Variants in WDFY3 observed in about 807,000 individuals in gnomAD.
WDFY3 encodes WD repeat and FYVE domain containing 3, also known as WD repeat and FYVE domain-containing protein 3.
WDFY3 carries 66 observed loss-of-function variants against 409.6 expected under a neutral mutation model. That is an observed-to-expected ratio of 0.16 (90% CI 0.13 to 0.20). WDFY3 has a LOEUF of 0.20. Ranked by LOEUF, WDFY3 falls within the 10% of genes least tolerant of loss-of-function variation. WDFY3 has a pLI of 1.00. For missense variants in WDFY3, 3,031 were observed against 4,298.1 expected (o/e 0.71, Z 8.24); for synonymous variants, 1,521 against 1,537.1 (o/e 0.99, Z 0.25).
chr4:84,756,997 C>G lies in WDFY3; in HGVS notation c.5353G>C (p.Val1785Leu), dbSNP rs1741582118. The change falls in exon 33 of 68, where the codon GTT becomes CTT. Residue 1785 changes from valine (V) to leucine (L), a missense_variant. Coordinates refer to ENST00000295888, the MANE Select transcript of WDFY3 (RefSeq NM_014991.6). ...LLMALFLQQP[V>L]SELPENLQVS... ...TGCAGGTTCTCAGGCAGCTCACTAA[C>G]TGGCTGCTGCAGAAACAAGGCCATG... 1.2e-6 allele frequency: 2 copies of G among 1,614,086 alleles called. No homozygotes were observed. The highest frequency in any genetic ancestry group is 1.7e-6 in the Non-Finnish European group (2 of 1,179,974).
intron 2 of WDFY3, among the ~76,000 whole-genome samples, chr4:84,904,067 T>G (rs927335574): frequency 1.3e-5 from 2 of 152,152 alleles, no homozygotes; most frequent in Non-Finnish European, 2.9e-5. Context: ...TCTCATAAAC[T>G]GATTAGTGTC....
At chr4:84,771,958 G>C (rs926544509) in intron 30 of WDFY3, among the ~76,000 whole-genome samples, 1 of 152,108 alleles carries the variant, frequency 6.6e-6, no homozygotes, top group African/African-American at 2.4e-5. Context: ...TTTGAAAATT[G>C]TAATCACACC....
intron 5 of WDFY3, among the ~76,000 whole-genome samples, chr4:84,842,723 G>A (rs1035526532): frequency 6.6e-6 from 1 of 152,182 alleles, no homozygotes; most frequent in Non-Finnish European, 1.5e-5. Context: ...GGAGGGTGCA[G>A]TGAGCGGAGA....
intron 60 of WDFY3, among the ~76,000 whole-genome samples, chr4:84,691,300 T>C (rs1364854815): frequency 6.6e-6 from 1 of 152,098 alleles, no homozygotes; most frequent in Non-Finnish European, 1.5e-5. Flanking sequence ...AAAAGGAGGC[T>C]ATTCTGGTTG....
At chr4:84,960,018 C>T (rs1048258620) in intron 1 of WDFY3, among the ~76,000 whole-genome samples, 1 of 152,090 alleles carries the variant, frequency 6.6e-6, no homozygotes, top group Admixed American at 6.5e-5. Flanking sequence ...TAGAAATAAG[C>T]AAACTACCAA....
chr4:84,756,853 G>T, intron 33 of WDFY3, 73 bp downstream of exon 33: 1 of 1,425,630 alleles, frequency 7.0e-7, no homozygotes, highest in Non-Finnish European at 9.6e-7. Context: ...TGGTTTTACA[G>T]TGATTATCCA....
intron 4 of WDFY3, among the ~76,000 whole-genome samples, chr4:84,858,368 T>C: frequency 6.6e-6 from 1 of 152,084 alleles, no homozygotes; most frequent in African/African-American, 2.4e-5. Flanking sequence ...AGAACACTGA[T>C]ATGTGAACAC....
chr4:84,753,838 T>C lies in WDFY3; in HGVS notation c.5598A>G (p.Glu1866=). 4 of 1,606,618 alleles carry C rather than the reference T, an allele frequency of 2.5e-6. No homozygotes were observed. Among genetic ancestry groups the C allele is most frequent in the South Asian group, 1.1e-5 (1 of 90,074 alleles). ...AGAACTGCATCAGGGTCACAGGATA[T>C]TCTCGGAGCCAAGATCCCTCTTCTT... ...QSEEEGSWLR[E]YPVTLMQFFR... Residue 1866 remains glutamate (E), a synonymous_variant, in exon 35 of 68, where the codon GAA becomes GAG. Transcript: ENST00000295888.
intron 1 of WDFY3, among the ~76,000 whole-genome samples, chr4:84,938,403 C>T (rs1248750315): frequency 6.6e-6 from 1 of 152,134 alleles, no homozygotes; most frequent in East Asian, 1.9e-4. Flanking sequence ...ACTGATACTT[C>T]CATAAATTTG....
At chr4:84,698,841 C>T (rs138727586) in intron 56 of WDFY3, among the ~76,000 whole-genome samples, 39 of 152,206 alleles carry the variant, frequency 2.6e-4, no homozygotes, top group Admixed American at 9.2e-4. Context: ...GCACACACCA[C>T]GATGCCCAGC....
rs150887168 is a variant in WDFY3, at chr4:84,711,181, G to T, written c.8043-1834C>A. 4.7e-3 allele frequency among the ~76,000 whole-genome samples: 709 copies of T among 152,282 alleles called. 6 individuals are homozygous for T. The highest frequency in any genetic ancestry group is 0.016 in the African/African-American group (668 of 41,560). On this transcript the variant is annotated intron_variant, in intron 51 of 67. Transcript: ENST00000295888. Reference sequence around the variant, plus strand: ...TACTGAGTGATATAAATGGAACTGGGTCTACAGATTCTTGAAATGGCTGTG... The same window carrying T: ...TACTGAGTGATATAAATGGAACTGGTTCTACAGATTCTTGAAATGGCTGTG...
intron 22 of WDFY3, 61 bp downstream of exon 22, chr4:84,789,665 A>T: frequency 2.7e-6 from 4 of 1,493,568 alleles, no homozygotes; most frequent in Non-Finnish European, 3.7e-6. Context: ...ACACACACAC[A>T]CACACCCCCC....
rs200086711 is a variant in WDFY3 at position 84,796,480 on chromosome 4, G to A, written c.3167+41C>T. Reference sequence around the variant, plus strand: ...ATCTATTTGTAAAGGCAAGTATGACGCATAAAACCATAAAGGTTGGCTTCC... The same window carrying A: ...ATCTATTTGTAAAGGCAAGTATGACACATAAAACCATAAAGGTTGGCTTCC... On this transcript the variant is annotated intron_variant, in intron 19 of 67. Coordinates refer to ENST00000295888, the MANE Select transcript of WDFY3 (RefSeq NM_014991.6). 3.9e-4 allele frequency: 512 copies of A among 1,316,838 alleles called. 1 individual carries two copies. In the Middle Eastern group the frequency reaches 5.4e-3, roughly 14 times the overall value. 81.6% of individuals were successfully genotyped at this position (1,316,838 alleles called of 1,614,324 possible).
chr4:84,818,390 T>C (rs1753615127), intron 12 of WDFY3, among the ~76,000 whole-genome samples: 2 of 152,290 alleles, frequency 1.3e-5, no homozygotes, highest in Middle Eastern at 6.8e-3. Flanking sequence ...GCATCTTGTT[T>C]ATATCTCTAT....
At chr4:84,908,549 AAT>A (rs1767345305) in intron 2 of WDFY3, among the ~76,000 whole-genome samples, 1 of 152,242 alleles carries the variant, frequency 6.6e-6, no homozygotes, top group Admixed American at 6.5e-5. Flanking sequence ...CTATAAATTC[AAT>A]ATGAGGAAGG....
At chr4:84,930,898 C>T (rs1434459826) in intron 2 of WDFY3, among the ~76,000 whole-genome samples, 1 of 152,166 alleles carries the variant, frequency 6.6e-6, no homozygotes, top group Admixed American at 6.5e-5. Context: ...TCACCCTCCA[C>T]GGTTCATTAC....
chr4:84,918,488 C>G (rs1275896718), intron 2 of WDFY3, among the ~76,000 whole-genome samples: 1 of 152,050 alleles, frequency 6.6e-6, no homozygotes, highest in Admixed American at 6.6e-5. Flanking sequence ...AGAAAACACA[C>G]ATATCTACTA....
intron 5 of WDFY3, among the ~76,000 whole-genome samples, chr4:84,841,722 C>T (rs1757379392): frequency 1.3e-5 from 2 of 152,152 alleles, no homozygotes. Context: ...GAAGTGCAGT[C>T]TAATACCAAC....
chr4:84,734,690 A>G (rs1254241625), intron 43 of WDFY3, among the ~76,000 whole-genome samples: 1 of 152,200 alleles, frequency 6.6e-6, no homozygotes, highest in East Asian at 1.9e-4. Context: ...TTGGATGCGT[A>G]TTTTCACAAT....
Sources: gnomAD v4.1 joint callset for allele counts (sites outside exome capture counted in the v4.1 genomes callset) on GRCh38, gnomAD v4.1.1 for gene constraint, MANE v1.5 for transcripts, NCBI Gene and HGNC (gene_info 2026-07-23, HGNC 2026-07-21) for gene names.